DICER1: variants seen among roughly 807,000 people sequenced by gnomAD.
The protein encoded by DICER1 is dicer 1, ribonuclease III, also known as endoribonuclease Dicer.
In DICER1, 43 loss-of-function variants were observed where a neutral mutation model predicts 194.1. The observed-to-expected ratio is 0.22, with a 90% CI of 0.17 to 0.29. The LOEUF (loss-of-function observed/expected upper bound fraction) is 0.29, where lower values mean the gene tolerates loss of function less well. DICER1 is among the 10% of genes least tolerant of loss of function. DICER1 has a pLI of 1.00. For missense variants in DICER1, 1,608 were observed against 2,317.0 expected (o/e 0.69, Z 6.28); for synonymous variants, 832 against 820.5 (o/e 1.01, Z -0.24).
At position 95,116,520 on chromosome 14, in the gene DICER1, A is replaced by G. The variant is rs1595410959; in HGVS notation, c.1685T>C (p.Met562Thr). The change falls in exon 10 of 27, where the codon ATG (methionine) becomes ACG (threonine). Residue 562 changes from methionine to threonine, a missense_variant. Coordinates refer to ENST00000343455, the MANE Select transcript of DICER1 (RefSeq NM_177438.3). The stretch of plus-strand genomic sequence containing the variant: ...TTTTATTTTGTCTGTATCCGCTAAC[A>G]TTATATAATTAGAGATGGGTGCCCT... The part of the protein sequence containing the change: ...RARAPISNYI[M>T]LADTDKIKSF... 6.2e-7 allele frequency: 1 copy of G among 1,613,954 alleles called. No homozygotes were observed. Among genetic ancestry groups the G allele is most frequent in the South Asian group, 1.1e-5 (1 of 91,066 alleles).
intron 1 of DICER1, among the ~76,000 whole-genome samples, chr14:95,147,051 G>A (rs1490949316): frequency 5.9e-5 from 9 of 152,324 alleles, no homozygotes; most frequent in African/African-American, 1.7e-4. Flanking sequence ...AAACTTTTCA[G>A]CATTTTAAAT....
At chr14:95,093,857 T>A in intron 24 of DICER1, 31 bp downstream of exon 24, 2 of 1,613,328 alleles carry the variant, frequency 1.2e-6, no homozygotes, top group Non-Finnish European at 1.7e-6. Flanking sequence ...GTTAGACCAC[T>A]TTTTTCAACA....
Position 95,095,907 on chromosome 14 carries a change from C to G in DICER1, c.5013G>C (p.Lys1671Asn), listed in dbSNP as rs751819396. 1.2e-6 allele frequency: 2 copies of G among 1,613,996 alleles called. No individual in the cohort carries two copies. The highest frequency in any genetic ancestry group is 3.3e-5 in the Admixed American group (2 of 59,994). The change falls in exon 23 of 27, where the codon AAG (lysine) becomes AAC (asparagine). Residue 1671 changes from lysine (K) to asparagine (N), a missense_variant. Physicochemically the swap from Lys to Asn is moderately conservative, Grantham distance 94 (BLOSUM62 0). Coordinates refer to ENST00000343455, the MANE Select transcript of DICER1 (RefSeq NM_177438.3). ...HLISGFENFE[K>N]KINYRFKNKA... ...TATTCTTGAATCTGTAGTTGATTTT[C>G]TTTTCAAAATTTTCAAACCCCGATA...
chr14:95,099,987 T>G (rs1336282721), intron 21 of DICER1, 52 bp from the exon 22 acceptor site: 1 of 1,595,996 alleles, frequency 6.3e-7, no homozygotes, highest in East Asian at 2.2e-5. Context: ...CTGCTGGAAT[T>G]CATTCAAGGC....
intron 25 of DICER1, 36 bp downstream of exon 25, chr14:95,091,167 G>T (rs998807097): frequency 6.2e-7 from 1 of 1,613,952 alleles, no homozygotes; most frequent in Non-Finnish European, 8.5e-7. Context: ...TTTTAATTTT[G>T]TGGGTTTTTT....
rs71838494 is a variant in DICER1 at position 95,099,731 on chromosome 14, TACACAC to T, written c.4206+43_4206+48del. 365 of 1,072,386 alleles carry T rather than the reference TACACAC, an allele frequency of 3.4e-4. No individual in the cohort carries two copies. Among genetic ancestry groups the T allele is most frequent in the South Asian group, 1.6e-3 (70 of 42,960 alleles). 66.4% of individuals were successfully genotyped at this position (1,072,386 alleles called of 1,614,324 possible). On this transcript the variant is annotated intron_variant, in intron 22 of 26. Coordinates refer to ENST00000343455, the MANE Select transcript of DICER1 (RefSeq NM_177438.3). The stretch of plus-strand genomic sequence containing the variant: ...TCACCGAAAAGTAAATCCCTCCAGT[TACACAC>T]ACACACACACACACACACACACACA...
In DICER1 at chr14:95,096,289, A is replaced by T. The variant is rs541733582; in HGVS notation, c.4631T>A (p.Ile1544Asn). Residue 1544 changes from isoleucine (I) to asparagine (N), a missense_variant, in exon 23 of 27, where the codon ATT becomes AAT. Physicochemically the swap from Ile to Asn is moderately radical, Grantham distance 149. Around this residue, in one of 10 missense-constraint regions of DICER1, gnomAD observed 13 missense variants for 35.7 expected, o/e 0.36. Transcript: ENST00000343455. ...NCGVDTGKQS[I>N]SYDLHTEQCI... ...CTGCTCAGTGTGCAAGTCGTAAGAA[A>T]TGGACTGCTTTCCCGTGTCAACACC... The T allele has an allele frequency of 6.2e-7, 1 of 1,614,240 alleles. No homozygotes were observed. The highest frequency in any genetic ancestry group is 1.1e-5 in the South Asian group (1 of 91,090).
intron 4 of DICER1, among the ~76,000 whole-genome samples, chr14:95,130,791 G>A (rs1287550518): frequency 1.3e-5 from 2 of 152,172 alleles, no homozygotes; most frequent in Non-Finnish European, 2.9e-5. Context: ...GGAGCCTCCA[G>A]CACATGCTGG....
chr14:95,105,869 C>T lies in DICER1; in HGVS notation c.2988-86G>A. On this transcript the variant is annotated intron_variant, in intron 18 of 26. Coordinates refer to ENST00000343455, the MANE Select transcript of DICER1 (RefSeq NM_177438.3). This position sits in a 1 kb window ranked among gnomAD's most constrained non-coding sequence, Gnocchi z 4.9. ...TTCTCCAAAAACCACCTGAAGAGCT[C>T]ATTTCAACTACAGCCTCTTGGGCTA... is the stretch of plus-strand genomic sequence containing the variant. 7.2e-7 allele frequency: 1 copy of T among 1,388,656 alleles called. No individual in the cohort carries two copies. Among genetic ancestry groups the T allele is most frequent in the Non-Finnish European group, 1.0e-6 (1 of 976,434 alleles). The allele number at this position is 1,388,656 out of a possible 1,614,324, so 86.0% of individuals were successfully genotyped here. A position where few individuals can be genotyped will look rare whatever the true frequency, so the allele number is the denominator to read the frequency against.
chr14:95,109,577 C>T (rs1891768590), intron 14 of DICER1, among the ~76,000 whole-genome samples: 1 of 152,174 alleles, frequency 6.6e-6, no homozygotes, highest in Non-Finnish European at 1.5e-5. Context: ...GACTTTATCA[C>T]ATGAAACTAG....
intron 22 of DICER1, among the ~76,000 whole-genome samples, chr14:95,098,853 C>A (rs1890598377): frequency 6.6e-6 from 1 of 152,072 alleles, no homozygotes. Context: ...TTAAAAACAT[C>A]CTCAATAAAT....
chr14:95,096,641 G>A lies in DICER1; in HGVS notation c.4279C>T (p.Leu1427=). ...YEEEDEEEES[L]MWRAPKEEAD... ...TCTTCCTTCGGAGCCCTCCACATCA[G>A]GCTCTCCTCCTCCTCATCCTCCTCC... Residue 1427 remains leucine, a synonymous_variant, in exon 23 of 27, where the codon CTG becomes TTG. Transcript: ENST00000343455. 1 of 1,612,346 alleles carries A rather than the reference G, an allele frequency of 6.2e-7. No homozygotes were observed. The highest frequency in any genetic ancestry group is 8.5e-7 in the Non-Finnish European group (1 of 1,179,186).
chr14:95,123,403 A>G (rs557966865), intron 8 of DICER1, among the ~76,000 whole-genome samples: 17 of 152,186 alleles, frequency 1.1e-4, no homozygotes, highest in Non-Finnish European at 4.4e-5. Flanking sequence ...CAATTGTTCT[A>G]AACTTTTTGC....
intron 14 of DICER1, among the ~76,000 whole-genome samples, chr14:95,109,118 T>C (rs1405871876): frequency 1.3e-5 from 2 of 152,188 alleles, no homozygotes; most frequent in Non-Finnish European, 2.9e-5. Flanking sequence ...CCCGTTACTG[T>C]AAAGAGAATA....
At chr14:95,137,511 GAAGGAA>G (rs1198899697) in intron 1 of DICER1, among the ~76,000 whole-genome samples, 3 of 132,844 alleles carry the variant, frequency 2.3e-5, no homozygotes, top group African/African-American at 2.8e-5. Flanking sequence ...AGGGGAAGGG[GAAGGAA>G]AAGGGAAAGG....
Position 95,107,914 on chromosome 14 carries a change from A to T in DICER1, c.2616T>A (p.Ala872=), listed in dbSNP as rs1595380153. The part of the protein sequence containing the change: ...KPALEFKPTD[A]DSAYCVLPLN... ...GAGGTAGAACACAGTATGCTGAATC[A>T]GCGTCTGTAGGTTTAAATTCTAGTG... Residue 872 remains alanine (A), a synonymous_variant, in exon 16 of 27, where the codon GCT becomes GCA. Transcript: ENST00000343455. 18 of 1,614,098 alleles carry T rather than the reference A, an allele frequency of 1.1e-5. No homozygotes were observed. Among genetic ancestry groups the T allele is most frequent in the Non-Finnish European group, 1.5e-5 (18 of 1,179,962 alleles).
chr14:95,144,411 C>A (rs544063961), intron 1 of DICER1, among the ~76,000 whole-genome samples: 3 of 152,164 alleles, frequency 2.0e-5, no homozygotes, highest in South Asian at 2.1e-4. Context: ...GACTCCACTA[C>A]CTCGCTAACA....
chr14:95,133,562 C>T (rs538234448), intron 1 of DICER1, 59 bp from the exon 2 acceptor site: 5 of 1,253,646 alleles, frequency 4.0e-6, no homozygotes, highest in Non-Finnish European at 5.7e-6. Context: ...ACAAAGAAAG[C>T]ACAGAAACAA....
At chr14:95,143,980 G>C (rs1894975671) in intron 1 of DICER1, among the ~76,000 whole-genome samples, 1 of 152,214 alleles carries the variant, frequency 6.6e-6, no homozygotes, top group African/African-American at 2.4e-5. Flanking sequence ...TGGGCAAACA[G>C]CCACACTGAA....
Sources: gnomAD v4.1 joint callset for allele counts (sites outside exome capture counted in the v4.1 genomes callset) on GRCh38, gnomAD v4.1.1 for gene constraint, gnomAD v4.1.1 regional missense constraint, Gnocchi (gnomAD v3.1) non-coding constraint, MANE v1.5 for transcripts, NCBI Gene and HGNC (gene_info 2026-07-23, HGNC 2026-07-21) for gene names.